MARCHF11: variants seen among roughly 807,000 people sequenced by gnomAD.
MARCHF11 encodes membrane associated ring-CH-type finger 11, also known as E3 ubiquitin-protein ligase MARCHF11.
Under a neutral mutation model 37.3 loss-of-function variants are expected in MARCHF11, and 29 were observed. That is an observed-to-expected ratio of 0.78 (90% CI 0.58 to 1.06). The LOEUF (loss-of-function observed/expected upper bound fraction) is 1.06. Among genes scored for constraint, MARCHF11 ranks in the 50% least tolerant of loss-of-function variants. The probability of loss-of-function intolerance (pLI) is 0.00; values close to 1 mark genes in which losing one functional copy is unlikely to be tolerated. For synonymous variants in MARCHF11, 233 were observed against 228.0 expected, an observed-to-expected ratio of 1.02 and a Z score of -0.20; for missense variants, 482 against 533.4, an observed-to-expected ratio of 0.90 and a Z score of 0.95.
intron 2 of MARCHF11, among the ~76,000 whole-genome samples, chr5:16,146,693 T>C (rs1737801803): frequency 6.6e-6 from 1 of 152,162 alleles, no homozygotes; most frequent in South Asian, 2.1e-4. Context: ...TTGGAGTAGG[T>C]TGTTTCCAAA....
At chr5:16,144,599 T>A (rs576479387) in intron 2 of MARCHF11, among the ~76,000 whole-genome samples, 1 of 152,316 alleles carries the variant, frequency 6.6e-6, no homozygotes, top group African/African-American at 2.4e-5. Flanking sequence ...TGCATTCTGA[T>A]TCTTAATCAA....
chr5:16,135,190 T>C (rs1737587851), intron 2 of MARCHF11, among the ~76,000 whole-genome samples: 1 of 152,182 alleles, frequency 6.6e-6, no homozygotes, highest in South Asian at 2.1e-4. Flanking sequence ...CAGACTGGCA[T>C]TGTTAAGTGC....
At chr5:16,146,496 T>C (rs992063924) in intron 2 of MARCHF11, among the ~76,000 whole-genome samples, 3 of 152,134 alleles carry the variant, frequency 2.0e-5, no homozygotes, top group African/African-American at 4.8e-5. Context: ...TCATCACCAC[T>C]TGGAGAACAG....
chr5:16,149,213 T>C (rs1737851297), intron 2 of MARCHF11, among the ~76,000 whole-genome samples: 1 of 152,098 alleles, frequency 6.6e-6, no homozygotes, highest in South Asian at 2.1e-4. Flanking sequence ...TCCAAGGCCT[T>C]CCTTTGAAAT....
chr5:16,140,856 A>G (rs1454145864), intron 2 of MARCHF11, among the ~76,000 whole-genome samples: 1 of 152,242 alleles, frequency 6.6e-6, no homozygotes, highest in Non-Finnish European at 1.5e-5. Flanking sequence ...TGTAAAGTTT[A>G]TACATTCTTG....
chr5:16,113,782 T>C (rs1305334020), intron 2 of MARCHF11, among the ~76,000 whole-genome samples: 1 of 152,218 alleles, frequency 6.6e-6, no homozygotes, highest in Non-Finnish European at 1.5e-5. Context: ...ACTTCTTTGT[T>C]TTGGGAACTT....
intron 3 of MARCHF11, among the ~76,000 whole-genome samples, chr5:16,086,144 C>G (rs574824285): frequency 6.6e-6 from 1 of 152,096 alleles, no homozygotes; most frequent in African/African-American, 2.4e-5. Flanking sequence ...TCTGTCATAA[C>G]AGGGAAAGAT....
chr5:16,179,639 GA>G lies in MARCHF11; in HGVS notation c.-65del. ...GGGCCGGGCTCTGGCTGCAGGGAAAGAGAGCGCGGAGGGGGCGGGAGGGAGA... is the reference window on the plus strand; with the variant it reads ...GGGCCGGGCTCTGGCTGCAGGGAAAGGAGCGCGGAGGGGGCGGGAGGGAGA... On this transcript the variant is annotated 5_prime_UTR_variant, in exon 1 of 4. Transcript: ENST00000332432. 9.7e-7 allele frequency: 1 copy of G among 1,026,580 alleles called. No individual in the cohort carries two copies. The highest frequency in any genetic ancestry group is 7.1e-5 in the East Asian group (1 of 14,136). 63.6% of individuals were successfully genotyped at this position (1,026,580 alleles called of 1,614,324 possible). A position where few individuals can be genotyped will look rare whatever the true frequency, so the allele number is the denominator to read the frequency against.
intron 2 of MARCHF11, among the ~76,000 whole-genome samples, chr5:16,114,365 T>G (rs542425495): frequency 1.0e-3 from 155 of 152,322 alleles, no homozygotes; most frequent in Non-Finnish European, 1.9e-3. Flanking sequence ...ACAGAAACCT[T>G]GGCTTTAAGA....
At chr5:16,090,755 C>T (rs1736777432) in intron 3 of MARCHF11, 134 bp downstream of exon 3, 1 of 623,332 alleles carries the variant, frequency 1.6e-6, no homozygotes, top group African/African-American at 1.9e-5. Context: ...TTGTGACCCG[C>T]AGCTAATTCA....
intron 2 of MARCHF11, among the ~76,000 whole-genome samples, chr5:16,144,588 G>A (rs533867360): frequency 3.9e-5 from 6 of 152,220 alleles, no homozygotes; most frequent in African/African-American, 4.8e-5. Context: ...TCGTTAAGGC[G>A]TGCATTCTGA....
intron 1 of MARCHF11, 91 bp downstream of exon 1, chr5:16,178,948 G>T (rs917979917): frequency 2.3e-6 from 3 of 1,322,146 alleles, no homozygotes; most frequent in Non-Finnish European, 2.9e-6. Flanking sequence ...GGCAAACTGG[G>T]AGGTAGGCGT....
chr5:16,077,867 C>G (rs1478677675), intron 3 of MARCHF11, among the ~76,000 whole-genome samples: 2 of 152,038 alleles, frequency 1.3e-5, no homozygotes, highest in Admixed American at 6.6e-5. Context: ...TAATAATGTT[C>G]CCTTTTGTTT....
chr5:16,093,847 T>C lies in MARCHF11; in HGVS notation c.694-2766A>G, dbSNP rs553518570. ...ATAGAAATTATTTTTGTTGTAAATA[T>C]AAGAAGTAATTTGGGATTTTTGAAG... On this transcript the variant is annotated intron_variant, in intron 2 of 3. Transcript: ENST00000332432. Among the ~76,000 whole-genome samples the C allele has an allele frequency of 2.0e-5, 3 of 152,330 alleles. No individual in the cohort carries two copies. The South Asian group carries it at 6.2e-4, about 32-fold the overall frequency.
At chr5:16,148,940 A>G (rs933513548) in intron 2 of MARCHF11, among the ~76,000 whole-genome samples, 1 of 152,150 alleles carries the variant, frequency 6.6e-6, no homozygotes, top group African/African-American at 2.4e-5. Context: ...TTGAAAAACT[A>G]TCTTTCATTT....
chr5:16,096,900 C>G (rs1007231277), intron 2 of MARCHF11, among the ~76,000 whole-genome samples: 8 of 152,196 alleles, frequency 5.3e-5, no homozygotes, highest in African/African-American at 1.9e-4. Context: ...AGCACATGCG[C>G]AGAGGGAATT....
At chr5:16,075,469 C>G (rs1378890226) in intron 3 of MARCHF11, among the ~76,000 whole-genome samples, 2 of 152,174 alleles carry the variant, frequency 1.3e-5, no homozygotes, top group African/African-American at 2.4e-5. Context: ...TGCTTCTATG[C>G]CTGTAATCCC....
At chr5:16,162,465 T>C (rs1350049598) in intron 2 of MARCHF11, among the ~76,000 whole-genome samples, 1 of 152,048 alleles carries the variant, frequency 6.6e-6, no homozygotes, top group Non-Finnish European at 1.5e-5. Context: ...GAAGGCAATA[T>C]ATTTTTTAAA....
intron 2 of MARCHF11, among the ~76,000 whole-genome samples, chr5:16,116,268 T>C (rs913123857): frequency 1.3e-5 from 2 of 152,148 alleles, no homozygotes; most frequent in African/African-American, 4.8e-5. Context: ...ATTGAATCAA[T>C]TTCTGTGAAA....
Sources: gnomAD v4.1 joint callset for allele counts (sites outside exome capture counted in the v4.1 genomes callset) on GRCh38, gnomAD v4.1.1 for gene constraint, MANE v1.5 for transcripts, NCBI Gene and HGNC (gene_info 2026-07-23, HGNC 2026-07-21) for gene names.